The following SAMD4A variants were observed in gnomAD, a reference collection of about 807,000 sequenced individuals.
The protein encoded by SAMD4A is protein Smaug homolog 1.
SAMD4A carries 33 observed loss-of-function variants against 81.3 expected under a neutral mutation model. The observed-to-expected ratio is 0.41, with a 90% CI of 0.31 to 0.54. SAMD4A has a LOEUF of 0.54. Among genes scored for constraint, SAMD4A ranks in the 20% least tolerant of loss-of-function variants. The pLI is 0.37. For synonymous variants in SAMD4A, 389 were observed against 382.1 expected (o/e 1.02, Z -0.21); for missense variants, 854 against 951.1 (o/e 0.90, Z 1.34).
At chr14:54,565,349 C>A (rs937788944), upstream of SAMD4A, among the ~76,000 whole-genome samples, 1 of 152,252 alleles carries the variant, frequency 6.6e-6, no homozygotes, top group Non-Finnish European at 1.5e-5. This position sits in a 1 kb window ranked among gnomAD's most constrained non-coding sequence, Gnocchi z 5.4. Flanking sequence ...GCACAGCTCC[C>A]CCGACCGGTC....
intron 2 of SAMD4A, among the ~76,000 whole-genome samples, chr14:54,568,746 G>A (rs1161418238): frequency 8.7e-6 from 1 of 114,694 alleles, no homozygotes; most frequent in Non-Finnish European, 1.7e-5. Context: ...TATATAATGC[G>A]GTTAAGCTTA....
At chr14:54,569,302 C>T (rs1363901495) in intron 2 of SAMD4A, among the ~76,000 whole-genome samples, 11 of 152,166 alleles carry the variant, frequency 7.2e-5, no homozygotes, top group Non-Finnish European at 1.6e-4. Flanking sequence ...CCTACTCATT[C>T]CTCCTCCCTA....
chr14:54,688,140 T>C (rs1473245054), intron 2 of SAMD4A: 1 of 985,366 alleles, frequency 1.0e-6, no homozygotes, highest in Admixed American at 6.1e-5. Flanking sequence ...CCGTATAACC[T>C]GGACAGCAGC....
chr14:54,764,937 AAGAG>A (rs2038496599), intron 8 of SAMD4A, among the ~76,000 whole-genome samples: 1 of 152,220 alleles, frequency 6.6e-6, no homozygotes, highest in Non-Finnish European at 1.5e-5. Context: ...GGAAGGGAGA[AAGAG>A]AGCCCATAAA....
intron 2 of SAMD4A, among the ~76,000 whole-genome samples, chr14:54,595,292 A>G (rs181081232): frequency 3.0e-3 from 451 of 152,120 alleles, no homozygotes; most frequent in African/African-American, 0.01. Context: ...TTATCTTACT[A>G]TCTTATAAGT....
At chr14:54,782,333 G>GTT (rs560362758) in intron 11 of SAMD4A, among the ~76,000 whole-genome samples, 1 of 143,408 alleles carries the variant, frequency 7.0e-6, no homozygotes, top group African/African-American at 2.5e-5. Flanking sequence ...GCTGAGGTTT[G>GTT]TTTTTTTTTT....
chr14:54,664,114 T>C (rs2140480919), intron 2 of SAMD4A, among the ~76,000 whole-genome samples: 1 of 152,280 alleles, frequency 6.6e-6, no homozygotes, highest in East Asian at 1.9e-4. Flanking sequence ...CTCTAAAAGA[T>C]TGAGGAGAAA....
At chr14:54,581,426 G>A (rs2140145596) in intron 2 of SAMD4A, among the ~76,000 whole-genome samples, 1 of 152,358 alleles carries the variant, frequency 6.6e-6, no homozygotes, top group East Asian at 1.9e-4. Context: ...ACTAAGGCTT[G>A]GATCCGATGA....
intron 2 of SAMD4A, among the ~76,000 whole-genome samples, chr14:54,692,439 A>G (rs935446295): frequency 2.0e-5 from 3 of 152,152 alleles, no homozygotes; most frequent in Admixed American, 6.5e-5. Flanking sequence ...TTTGTAAAAT[A>G]TTATTGCAGT....
At chr14:54,751,779 G>A (rs1240302680) in intron 6 of SAMD4A, among the ~76,000 whole-genome samples, 2 of 152,206 alleles carry the variant, frequency 1.3e-5, no homozygotes, top group Non-Finnish European at 2.9e-5. Context: ...CCGTCCTAGA[G>A]CCCTGATGAA....
At chr14:54,632,190 T>G (rs572092522) in intron 2 of SAMD4A, among the ~76,000 whole-genome samples, 132 of 152,298 alleles carry the variant, frequency 8.7e-4, no homozygotes, top group African/African-American at 3.0e-3. Context: ...GAACATGCAC[T>G]AATAAACAAA....
intron 3 of SAMD4A, among the ~76,000 whole-genome samples, chr14:54,711,202 G>C (rs1046030778): frequency 1.8e-4 from 28 of 152,114 alleles, no homozygotes; most frequent in East Asian, 7.7e-4. Flanking sequence ...CTAAATATTT[G>C]GTGATAATAT....
intron 7 of SAMD4A, among the ~76,000 whole-genome samples, chr14:54,762,839 A>G (rs1191635746): frequency 2.7e-5 from 4 of 150,890 alleles, no homozygotes; most frequent in African/African-American, 9.8e-5. Context: ...ATCATCATAC[A>G]TAAGCACATG....
chr14:54,601,962 C>T (rs1447104139), intron 2 of SAMD4A, among the ~76,000 whole-genome samples: 1 of 152,198 alleles, frequency 6.6e-6, no homozygotes, highest in African/African-American at 2.4e-5. Flanking sequence ...ACTCCGAAGG[C>T]ATCTGGCAAC....
intron 2 of SAMD4A, among the ~76,000 whole-genome samples, chr14:54,690,809 T>G (rs1230664095): frequency 6.6e-6 from 1 of 152,230 alleles, no homozygotes; most frequent in African/African-American, 2.4e-5. Flanking sequence ...CACTCCCAGC[T>G]CAGAACCATT....
chr14:54,747,741 AGGAGATCT>A (rs1283429234), intron 4 of SAMD4A, among the ~76,000 whole-genome samples: 2 of 152,222 alleles, frequency 1.3e-5, no homozygotes, highest in Non-Finnish European at 1.5e-5. Context: ...GCTAGGAATC[AGGAGATCT>A]GGGTTCTGGT....
chr14:54,688,031 A>C, intron 2 of SAMD4A: 1 of 985,686 alleles, frequency 1.0e-6, no homozygotes, highest in South Asian at 4.7e-5. Context: ...GAGAAGGACA[A>C]AGTGGAGAGG....
At chr14:54,686,267 C>A (rs553493750) in intron 2 of SAMD4A, among the ~76,000 whole-genome samples, 1 of 152,256 alleles carries the variant, frequency 6.6e-6, no homozygotes, top group South Asian at 2.1e-4. Context: ...CCCTGGCTCC[C>A]AACACAATTA....
At chr14:54,718,809 G>A (rs2037187203) in intron 3 of SAMD4A, among the ~76,000 whole-genome samples, 1 of 151,964 alleles carries the variant, frequency 6.6e-6, no homozygotes, top group Non-Finnish European at 1.5e-5. Context: ...TTTGAGACCA[G>A]CCTGGCCAAC....
Sources: gnomAD v4.1 joint callset for allele counts (sites outside exome capture counted in the v4.1 genomes callset) on GRCh38, gnomAD v4.1.1 for gene constraint, Gnocchi (gnomAD v3.1) non-coding constraint, MANE v1.5 for transcripts, NCBI Gene and HGNC (gene_info 2026-07-23, HGNC 2026-07-21) for gene names.